B3GALT1: variants seen among roughly 807,000 people sequenced by gnomAD.
The protein encoded by B3GALT1 is beta-1,3-galactosyltransferase 1.
Under a neutral mutation model 23.2 loss-of-function variants are expected in B3GALT1, and 10 were observed. That is an observed-to-expected ratio of 0.43 (90% CI 0.27 to 0.73). B3GALT1 has a LOEUF of 0.73. Among genes scored for constraint, B3GALT1 ranks in the 30% least tolerant of loss-of-function variants. The probability of loss-of-function intolerance (pLI) is 0.21; values close to 1 mark genes in which losing one functional copy is unlikely to be tolerated. For missense variants in B3GALT1, 299 were observed against 405.4 expected (o/e 0.74, Z 2.25); for synonymous variants, 156 against 141.5 (o/e 1.10, Z -0.73).
At chr2:167,518,579 G>A (rs1467581691) in intron 2 of B3GALT1, among the ~76,000 whole-genome samples, 1 of 152,180 alleles carries the variant, frequency 6.6e-6, no homozygotes, top group African/African-American at 2.4e-5. Context: ...TGCAATAGCT[G>A]ATATCAGCAT....
chr2:167,451,173 CCTT>C (rs1325803311), intron 1 of B3GALT1, among the ~76,000 whole-genome samples: 2 of 151,956 alleles, frequency 1.3e-5, no homozygotes, highest in Admixed American at 1.3e-4. Flanking sequence ...TAATAACTGA[CCTT>C]CTGAATTCTT....
intron 1 of B3GALT1, among the ~76,000 whole-genome samples, chr2:167,427,042 A>G (rs1285141482): frequency 6.6e-6 from 1 of 152,236 alleles, no homozygotes. Context: ...TTAAAGAACC[A>G]TTATGGCTCA....
intron 2 of B3GALT1, among the ~76,000 whole-genome samples, chr2:167,552,363 C>T (rs1362537644): frequency 3.9e-5 from 6 of 152,008 alleles, no homozygotes; most frequent in African/African-American, 1.2e-4. Context: ...GAGACCCAGA[C>T]GTGTACAACC....
At chr2:167,358,838 C>G (rs1697457724) in intron 1 of B3GALT1, among the ~76,000 whole-genome samples, 1 of 152,136 alleles carries the variant, frequency 6.6e-6, no homozygotes, top group Non-Finnish European at 1.5e-5. Flanking sequence ...GAATCCTGCT[C>G]TGTCACCAGG....
rs184334901 is a variant in B3GALT1, at chr2:167,592,652, T to C, written c.-409-54257T>C. 2.7e-3 allele frequency among the ~76,000 whole-genome samples: 417 copies of C among 152,276 alleles called. 2 individuals are homozygous for C. The highest frequency in any genetic ancestry group is 5.2e-3 in the Non-Finnish European group (351 of 68,022). On this transcript the variant is annotated intron_variant, in intron 2 of 4. Coordinates refer to ENST00000392690, the MANE Select transcript of B3GALT1 (RefSeq NM_020981.4). ...GTAGAACCCTTTCTGTGAATGTCTG[T>C]GTCACAGAAAAAGGCTCTTTGTTCT...
In B3GALT1 at chr2:167,663,198, G is replaced by A. The variant is rs1210650736; in HGVS notation, c.-352+16232G>A. ...TTGTTCAATTCCCACCTATGAGTGA[G>A]AATATGCGGTGTTTGGTTTTTTGTT... is the stretch of plus-strand genomic sequence containing the variant. On this transcript the variant is annotated intron_variant, in intron 3 of 4. Coordinates refer to ENST00000392690, the MANE Select transcript of B3GALT1 (RefSeq NM_020981.4). Among the ~76,000 whole-genome samples, 21 of 146,886 alleles carry A rather than the reference G, an allele frequency of 1.4e-4. No individual in the cohort carries two copies. In the East Asian group the frequency reaches 3.5e-3, roughly 24 times the overall value.
At chr2:167,763,513 A>G (rs1163842465) in intron 3 of B3GALT1, among the ~76,000 whole-genome samples, 1 of 152,068 alleles carries the variant, frequency 6.6e-6, no homozygotes, top group African/African-American at 2.4e-5. Flanking sequence ...CTCTATGTCC[A>G]ACAGACTCAT....
rs566463748 is a variant in B3GALT1 at position 167,523,346 on chromosome 2, A to T, written c.-410+33069A>T. 3.3e-5 allele frequency among the ~76,000 whole-genome samples: 5 copies of T among 152,024 alleles called. No individual in the cohort carries two copies. In the East Asian group the frequency reaches 9.6e-4, roughly 29 times the overall value. ...AAAGGGTATGTAATGAAAAGTCTCC[A>T]TTCTGCTCTTGCCCACACATTCCCA... On this transcript the variant is annotated intron_variant, in intron 2 of 4. Transcript: ENST00000392690.
chr2:167,758,660 G>A (rs1220237278), intron 3 of B3GALT1, among the ~76,000 whole-genome samples: 3 of 151,884 alleles, frequency 2.0e-5, no homozygotes, highest in Admixed American at 6.6e-5. Context: ...GGCCTGTTTC[G>A]TGCATTTTTT....
chr2:167,715,622 A>G, intron 3 of B3GALT1: 3 of 1,613,908 alleles, frequency 1.9e-6, no homozygotes, highest in Middle Eastern at 1.7e-4. Context: ...CTCTATTTCT[A>G]GACAGAGGAT....
At chr2:167,841,343 C>A (rs1274109461) in intron 4 of B3GALT1, among the ~76,000 whole-genome samples, 1 of 152,138 alleles carries the variant, frequency 6.6e-6, no homozygotes, top group African/African-American at 2.4e-5. Context: ...GGAAGGTGGA[C>A]TTTCTGGTTC....
rs1298791214 is a variant in B3GALT1, at chr2:167,746,379, TG to T, written c.-351-72292del. On this transcript the variant is annotated intron_variant, in intron 3 of 4. Transcript: ENST00000392690. ...ACATGCATTTGCAATCTTACTGCAT[TG>T]ATTTGTTTGACATAGAATCATCTTC... is the stretch of plus-strand genomic sequence containing the variant. 3.3e-5 allele frequency among the ~76,000 whole-genome samples: 5 copies of T among 152,234 alleles called. No individual in the cohort carries two copies. In the East Asian group the frequency reaches 9.6e-4, roughly 29 times the overall value.
intron 3 of B3GALT1, among the ~76,000 whole-genome samples, chr2:167,722,886 C>A (rs1404280682): frequency 2.0e-5 from 3 of 152,060 alleles, no homozygotes; most frequent in Non-Finnish European, 4.4e-5. Context: ...ACTGTCACCA[C>A]CTCCAAGGTA....
At chr2:167,429,299 AAT>A (rs1342664378) in intron 1 of B3GALT1, among the ~76,000 whole-genome samples, 7 of 150,598 alleles carry the variant, frequency 4.6e-5, no homozygotes, top group African/African-American at 1.7e-4. Context: ...AAAAAAAAAA[AAT>A]AAGAAATGTT....
chr2:167,765,218 G>A (rs72876891), intron 3 of B3GALT1, among the ~76,000 whole-genome samples: 1,961 of 152,286 alleles, frequency 0.013, 11 homozygotes, highest in Non-Finnish European at 0.018. Context: ...ATTCACTGTG[G>A]AATTATTATT....
chr2:167,866,975 G>A (rs1284367496), intron 4 of B3GALT1, among the ~76,000 whole-genome samples: 2 of 152,024 alleles, frequency 1.3e-5, no homozygotes, highest in Non-Finnish European at 2.9e-5. Context: ...CGCCCAGGCT[G>A]GAGTGCAGTG....
intron 2 of B3GALT1, among the ~76,000 whole-genome samples, chr2:167,574,540 A>C (rs2105402527): frequency 6.6e-6 from 1 of 151,858 alleles, no homozygotes; most frequent in South Asian, 2.1e-4. Context: ...GAAGGGACTA[A>C]GTCACAGGCT....
At chr2:167,306,768 C>T (rs1323576975) in intron 1 of B3GALT1, among the ~76,000 whole-genome samples, 2 of 151,952 alleles carry the variant, frequency 1.3e-5, no homozygotes, top group Non-Finnish European at 2.9e-5. Context: ...AGAACAAATT[C>T]AGACATTTTG....
At chr2:167,410,887 G>A (rs1041720707) in intron 1 of B3GALT1, among the ~76,000 whole-genome samples, 2 of 152,080 alleles carry the variant, frequency 1.3e-5, no homozygotes, top group African/African-American at 4.8e-5. Flanking sequence ...CCTTGTGTAA[G>A]TGTCACTTAT....
Sources: allele counts gnomAD v4.1 joint callset (sites outside exome capture counted in the v4.1 genomes callset), GRCh38; gene constraint gnomAD v4.1.1; transcripts MANE v1.5; gene names NCBI Gene and HGNC (gene_info 2026-07-23, HGNC 2026-07-21).